Variants in POLDIP3 observed in about 807,000 individuals in gnomAD.
The protein encoded by POLDIP3 is polymerase delta-interacting protein 3.
Under a neutral mutation model 45.1 loss-of-function variants are expected in POLDIP3, and 14 were observed. The ratio of observed to expected loss-of-function variants is 0.31; its 90% CI spans 0.20 to 0.49. The LOEUF (loss-of-function observed/expected upper bound fraction) is 0.49. POLDIP3 is among the 20% of genes least tolerant of loss of function. The pLI is 0.99. For missense variants in POLDIP3, 511 were observed against 538.8 expected (o/e 0.95, Z 0.51); for synonymous variants, 223 against 205.2 (o/e 1.09, Z -0.74).
chr22:42,606,383 C>T (rs1926730384), intron 1 of POLDIP3, among the ~76,000 whole-genome samples: 2 of 151,750 alleles, frequency 1.3e-5, no homozygotes, highest in African/African-American at 4.8e-5. Flanking sequence ...GTAATCTCAG[C>T]ACTTTGGAAA....
chr22:42,591,831 G>T, intron 7 of POLDIP3, 124 bp downstream of exon 7: 2 of 1,301,224 alleles, frequency 1.5e-6, no homozygotes, highest in East Asian at 2.3e-5. Context: ...GCAGTTCCTG[G>T]TGCAGACGAG....
At chr22:42,587,845 C>T (rs1475909375) in intron 7 of POLDIP3, among the ~76,000 whole-genome samples, 1 of 152,092 alleles carries the variant, frequency 6.6e-6, no homozygotes, top group Non-Finnish European at 1.5e-5. Flanking sequence ...GAGGGAGAAA[C>T]GAGACTCAAT....
Position 42,602,950 on chromosome 22 carries a change from T to C in POLDIP3, c.270A>G (p.Lys90=). The change falls in exon 2 of 9, where the codon AAA becomes AAG. Residue 90 remains lysine, a synonymous_variant. Transcript: ENST00000252115. ...QKDARFRIKG[K]VQDAREMLNS... ...TCAACATCTCTCTGGCATCCTGCACTTTCCCTTTGATTCGAAATCGGGCAT... is the reference window on the plus strand; with the variant it reads ...TCAACATCTCTCTGGCATCCTGCACCTTCCCTTTGATTCGAAATCGGGCAT... 6.2e-7 allele frequency: 1 copy of C among 1,614,132 alleles called. No homozygotes were observed. The highest frequency in any genetic ancestry group is 8.5e-7 in the Non-Finnish European group (1 of 1,180,028).
chr22:42,587,490 C>T lies in POLDIP3; in HGVS notation c.1088+16G>A, dbSNP rs750270061. On this transcript the variant is annotated intron_variant, in intron 8 of 8. Coordinates refer to ENST00000252115, the MANE Select transcript of POLDIP3 (RefSeq NM_032311.5). ...ACGGAGCTGCCTCTCCCCAGCACCC[C>T]GCCTTTGGAACTCACAGCAGGATGG... 10 of 1,610,024 alleles carry T rather than the reference C, an allele frequency of 6.2e-6. No individual in the cohort carries two copies. Among genetic ancestry groups the T allele is most frequent in the Admixed American group, 3.3e-5 (2 of 59,996 alleles).
At chr22:42,612,130 G>C (rs1336031250) in intron 1 of POLDIP3, among the ~76,000 whole-genome samples, 6 of 152,162 alleles carry the variant, frequency 3.9e-5, no homozygotes, top group African/African-American at 1.4e-4. Flanking sequence ...CAATGGCAAA[G>C]AAATATTTTC....
Position 42,613,413 on chromosome 22 carries a change from T to C in POLDIP3, c.59+1386A>G, listed in dbSNP as rs575351202. ...GATGGGGAAGGAGGTGAGGGATACA[T>C]TTCAGACATCAAGAGAAAAACCTAA... On this transcript the variant is annotated intron_variant, in intron 1 of 8. Transcript: ENST00000252115. Among the ~76,000 whole-genome samples, 10 of 152,184 alleles carry C rather than the reference T, an allele frequency of 6.6e-5. No individual in the cohort carries two copies. The South Asian group carries it at 2.1e-3, about 32-fold the overall frequency.
chr22:42,587,489 C>T lies in POLDIP3; in HGVS notation c.1088+17G>A, dbSNP rs765191833. 1.2e-6 allele frequency: 2 copies of T among 1,609,838 alleles called. No homozygotes were observed. Among genetic ancestry groups the T allele is most frequent in the Admixed American group, 1.7e-5 (1 of 60,010 alleles). On this transcript the variant is annotated intron_variant, in intron 8 of 8. Transcript: ENST00000252115. ...GACGGAGCTGCCTCTCCCCAGCACC[C>T]CGCCTTTGGAACTCACAGCAGGATG...
intron 1 of POLDIP3, among the ~76,000 whole-genome samples, chr22:42,613,190 G>A (rs1346115108): frequency 6.6e-6 from 1 of 152,226 alleles, no homozygotes; most frequent in Admixed American, 6.5e-5. Context: ...CCTACAAAAC[G>A]TGGATGGACT....
At chr22:42,598,546 C>T (rs116087300) in intron 4 of POLDIP3, among the ~76,000 whole-genome samples, 3,926 of 151,996 alleles carry the variant, frequency 0.026, 155 homozygotes, top group African/African-American at 0.089. Context: ...CCACCACGCC[C>T]GAACTTTTTT....
In POLDIP3 at chr22:42,603,127, T is replaced by A; in HGVS notation, c.93A>T (p.Arg31=). 1 of 1,614,100 alleles carries A rather than the reference T, an allele frequency of 6.2e-7. No homozygotes were observed. Among genetic ancestry groups the A allele is most frequent in the East Asian group, 2.2e-5 (1 of 44,886 alleles). ...GGCCTTGCTGGATCCCAACTCGAGA[T>A]CGGACACCTCCAACTCCCGGTCTGG... ...LNARPGVGGV[R]SRVGIQQGLL... Residue 31 remains arginine, a synonymous_variant, in exon 2 of 9, where the codon CGA becomes CGT. Coordinates refer to ENST00000252115, the MANE Select transcript of POLDIP3 (RefSeq NM_032311.5).
At position 42,599,708 on chromosome 22, in the gene POLDIP3, A is replaced by T. The variant is rs1321900334; in HGVS notation, c.623T>A (p.Leu208His). The change falls in exon 4 of 9, where the codon CTC (leucine) becomes CAC (histidine). Residue 208 changes from leucine to histidine, a missense_variant. Leu to His is a moderately conservative substitution (Grantham distance 99). Around this residue, in one of 4 missense-constraint regions of POLDIP3, gnomAD observed 378 missense variants for 352.3 expected, o/e 1.07. Transcript: ENST00000252115. ...CATGAAATGCCATACCATGTGGTGG[A>T]GAAAGCCGCCTGAGGCTGCAAACTT... The part of the protein sequence containing the change: ...QMKFAASGGF[L>H]HHMAGLSSSK... 1 of 1,606,670 alleles carries T rather than the reference A, an allele frequency of 6.2e-7. No homozygotes were observed. Among genetic ancestry groups the T allele is most frequent in the Non-Finnish European group, 8.5e-7 (1 of 1,173,430 alleles).
In POLDIP3 at chr22:42,585,574, G is replaced by C; in HGVS notation, c.*217C>G. The C allele has an allele frequency of 1.8e-6, 1 of 568,076 alleles. No individual in the cohort carries two copies. Among genetic ancestry groups the C allele is most frequent in the Non-Finnish European group, 3.1e-6 (1 of 321,774 alleles). The allele number at this position is 568,076 out of a possible 1,614,324, so 35.2% of individuals were successfully genotyped here. On this transcript the variant is annotated 3_prime_UTR_variant, in exon 9 of 9. Coordinates refer to ENST00000252115, the MANE Select transcript of POLDIP3 (RefSeq NM_032311.5). Reference sequence around the variant, plus strand: ...AAGCCTACCTTGGCGATGAGATGAAGAAACATACTACAGGAAACGTTAACG... The same window carrying C: ...AAGCCTACCTTGGCGATGAGATGAACAAACATACTACAGGAAACGTTAACG...
At position 42,597,714 on chromosome 22, in the gene POLDIP3, C is replaced by T. The variant is rs528876565; in HGVS notation, c.634-1349G>A. ...TCCCTTGATAGCAGACTTGAGCAGT[C>T]TAATTACTGGAAAGGCCTGGTCCCT... On this transcript the variant is annotated intron_variant, in intron 4 of 8. Coordinates refer to ENST00000252115, the MANE Select transcript of POLDIP3 (RefSeq NM_032311.5). 866 of 470,654 alleles carry T rather than the reference C, an allele frequency of 1.8e-3. 7 individuals are homozygous for T. Among genetic ancestry groups the T allele is most frequent in the Non-Finnish European group, 2.7e-3 (616 of 226,970 alleles). 29.2% of individuals were successfully genotyped at this position (470,654 alleles called of 1,614,324 possible). A position where few individuals can be genotyped will look rare whatever the true frequency, so the allele number is the denominator to read the frequency against.
intron 7 of POLDIP3, among the ~76,000 whole-genome samples, chr22:42,588,124 G>C (rs1925427262): frequency 1.3e-5 from 2 of 152,112 alleles, no homozygotes; most frequent in Admixed American, 6.5e-5. Context: ...AAATATTGGG[G>C]AAAAAATGTG....
intron 6 of POLDIP3, among the ~76,000 whole-genome samples, chr22:42,595,034 T>C (rs1031297900): frequency 6.6e-6 from 1 of 152,202 alleles, no homozygotes; most frequent in African/African-American, 2.4e-5. Context: ...AAAGGTCCGA[T>C]TCCAGGGGTG....
At chr22:42,606,007 T>A (rs1034795963) in intron 1 of POLDIP3, among the ~76,000 whole-genome samples, 1 of 152,128 alleles carries the variant, frequency 6.6e-6, no homozygotes, top group African/African-American at 2.4e-5. Flanking sequence ...CCAGACGTGG[T>A]GGCACGCGCC....
intron 6 of POLDIP3, 117 bp downstream of exon 6, chr22:42,595,420 G>A (rs552799820): frequency 1.1e-6 from 1 of 883,890 alleles, no homozygotes; most frequent in Non-Finnish European, 1.9e-6. Context: ...CCCTGAGCGT[G>A]ACTATATGCT....
At chr22:42,611,889 G>A (rs1569307407) in intron 1 of POLDIP3, among the ~76,000 whole-genome samples, 1 of 152,016 alleles carries the variant, frequency 6.6e-6, no homozygotes, top group African/African-American at 2.4e-5. Flanking sequence ...AAAAAATAAA[G>A]AAATAAAATA....
intron 8 of POLDIP3, among the ~76,000 whole-genome samples, chr22:42,586,689 A>G (rs894931187): frequency 3.9e-5 from 6 of 152,150 alleles, no homozygotes; most frequent in African/African-American, 1.4e-4. Context: ...ACTTATCCAA[A>G]TCACATAATT....
Sources: gnomAD v4.1 joint callset for allele counts (sites outside exome capture counted in the v4.1 genomes callset) on GRCh38, gnomAD v4.1.1 for gene constraint, gnomAD v4.1.1 regional missense constraint, MANE v1.5 for transcripts, NCBI Gene and HGNC (gene_info 2026-07-23, HGNC 2026-07-21) for gene names.